Variants in SPAG16 observed in about 807,000 individuals in gnomAD.
SPAG16 encodes sperm associated antigen 16, also known as sperm-associated antigen 16 protein.
Under a neutral mutation model 80.4 loss-of-function variants are expected in SPAG16, and 86 were observed. The observed-to-expected ratio is 1.07, with a 90% CI of 0.90 to 1.28. SPAG16 has a LOEUF of 1.28. Ranked by LOEUF, SPAG16 falls within the 50% of genes most tolerant of loss-of-function variation. The probability of loss-of-function intolerance (pLI) is 0.00; values close to 1 mark genes in which losing one functional copy is unlikely to be tolerated. For synonymous variants in SPAG16, 294 were observed against 265.9 expected, an observed-to-expected ratio of 1.11 and a Z score of -1.03; for missense variants, 870 against 765.3, an observed-to-expected ratio of 1.14 and a Z score of -1.61.
chr2:214,284,401 T>C (rs914889039), intron 15 of SPAG16, among the ~76,000 whole-genome samples: 1 of 152,198 alleles, frequency 6.6e-6, no homozygotes, highest in Non-Finnish European at 1.5e-5. Flanking sequence ...TAGCACCAAT[T>C]TATATAGTAT....
At chr2:214,326,420 G>A (rs73989421) in intron 15 of SPAG16, among the ~76,000 whole-genome samples, 9,825 of 152,120 alleles carry the variant, frequency 0.065, 1,034 homozygotes, top group African/African-American at 0.22. Context: ...TGGGAGAGAA[G>A]CAATTTGTGT....
intron 15 of SPAG16, among the ~76,000 whole-genome samples, chr2:214,398,963 A>C (rs1359644749): frequency 6.6e-6 from 1 of 152,226 alleles, no homozygotes; most frequent in Non-Finnish European, 1.5e-5. Flanking sequence ...AGGATTCCAT[A>C]ATAAACAGAT....
intron 13 of SPAG16, among the ~76,000 whole-genome samples, chr2:214,102,287 T>TA (rs1363316347): frequency 6.6e-5 from 10 of 151,952 alleles, no homozygotes; most frequent in Non-Finnish European, 1.0e-4. Flanking sequence ...GAGACTACAA[T>TA]AAATAAGGAG....
chr2:213,734,333 G>T (rs1372446273), intron 10 of SPAG16, among the ~76,000 whole-genome samples: 1 of 152,048 alleles, frequency 6.6e-6, no homozygotes, highest in Non-Finnish European at 1.5e-5. Flanking sequence ...GTTTTTAGAA[G>T]TGAAAAACTA....
chr2:214,387,650 C>T (rs1278628657), intron 15 of SPAG16, among the ~76,000 whole-genome samples: 1 of 135,980 alleles, frequency 7.4e-6, no homozygotes, highest in Non-Finnish European at 1.5e-5. Flanking sequence ...AGGTTTAATT[C>T]ACTCACAGTT....
intron 13 of SPAG16, among the ~76,000 whole-genome samples, chr2:214,047,759 A>C (rs1384077714): frequency 6.6e-6 from 1 of 152,216 alleles, no homozygotes; most frequent in Non-Finnish European, 1.5e-5. Flanking sequence ...GACAAGTCAC[A>C]GAATGGGAGA....
At chr2:214,293,436 G>T (rs2125935321) in intron 15 of SPAG16, among the ~76,000 whole-genome samples, 1 of 152,290 alleles carries the variant, frequency 6.6e-6, no homozygotes, top group South Asian at 2.1e-4. Context: ...ATGGTGAGCT[G>T]GTCTGGTAAT....
At chr2:213,396,936 C>A (rs181801212) in intron 9 of SPAG16, among the ~76,000 whole-genome samples, 57 of 152,136 alleles carry the variant, frequency 3.7e-4, no homozygotes, top group Admixed American at 1.6e-3. Flanking sequence ...CTCCCCAAAC[C>A]CTTTCTTTGT....
chr2:214,274,444 C>T (rs897255272), intron 15 of SPAG16, among the ~76,000 whole-genome samples: 1 of 152,136 alleles, frequency 6.6e-6, no homozygotes, highest in Non-Finnish European at 1.5e-5. Context: ...TCATAAATAG[C>T]TCTTACTATT....
intron 15 of SPAG16, among the ~76,000 whole-genome samples, chr2:214,334,933 A>G (rs748928958): frequency 2.0e-5 from 3 of 152,212 alleles, no homozygotes; most frequent in Non-Finnish European, 4.4e-5. Context: ...CTATTCTGGT[A>G]CCAAATCTTT....
intron 15 of SPAG16, among the ~76,000 whole-genome samples, chr2:214,266,744 C>T (rs936170254): frequency 6.6e-6 from 1 of 151,184 alleles, no homozygotes; most frequent in Non-Finnish European, 1.5e-5. Context: ...GGTAAAGTTT[C>T]AGGATACAAA....
Position 213,930,146 on chromosome 2 carries a change from G to T in SPAG16, c.1400+1G>T, listed in dbSNP as rs1457408242. 7 of 1,611,572 alleles carry T rather than the reference G, an allele frequency of 4.3e-6. No individual in the cohort carries two copies. The highest frequency in any genetic ancestry group is 1.7e-5 in the Admixed American group (1 of 59,750). On this transcript the variant is annotated splice_donor_variant, in intron 12 of 15. Coordinates refer to ENST00000331683, the MANE Select transcript of SPAG16 (RefSeq NM_024532.5). LOFTEE classifies it high-confidence loss of function. ...CTAGCAAAATTTGGGATGTTAATAGGTAAGAAGTACTTTAAACATTACTAA... is the reference window on the plus strand; with the variant it reads ...CTAGCAAAATTTGGGATGTTAATAGTTAAGAAGTACTTTAAACATTACTAA...
chr2:213,297,343 G>A lies in SPAG16; in HGVS notation c.265G>A (p.Asp89Asn). 6.2e-7 allele frequency: 1 copy of A among 1,608,840 alleles called. No individual in the cohort carries two copies. The highest frequency in any genetic ancestry group is 8.5e-7 in the Non-Finnish European group (1 of 1,177,252). The change falls in exon 3 of 16, where the codon GAT (aspartate) becomes AAT (asparagine). Residue 89 changes from aspartate (D) to asparagine (N), a missense_variant. Transcript: ENST00000331683. ...AIQMAQEQAT[D>N]TEILERKTVL... ...TCAGATGGCCCAAGAACAGGCTACA[G>A]ATACTGAAATTTTGGTGAGAATTTG...
chr2:213,626,037 C>A (rs2061950390), intron 10 of SPAG16, among the ~76,000 whole-genome samples: 1 of 152,024 alleles, frequency 6.6e-6, no homozygotes, highest in South Asian at 2.1e-4. Flanking sequence ...TTCCTAGGAT[C>A]TTCTGGAGTT....
intron 15 of SPAG16, among the ~76,000 whole-genome samples, chr2:214,375,696 A>G (rs1700082567): frequency 6.6e-6 from 1 of 152,198 alleles, no homozygotes; most frequent in African/African-American, 2.4e-5. Flanking sequence ...CTAACACTGT[A>G]TCTATAGATT....
rs35564156 is a variant in SPAG16, at chr2:214,037,864, G to GGTGTGTGTGTGT, written c.1527+23826_1527+23837dup. Among the ~76,000 whole-genome samples, 243 of 133,672 alleles carry GGTGTGTGTGTGT rather than the reference G, an allele frequency of 1.8e-3. 1 individual carries two copies. Among genetic ancestry groups the GGTGTGTGTGTGT allele is most frequent in the Non-Finnish European group, 1.6e-3 (104 of 63,962 alleles). The allele number at this position is 133,672 out of a possible 152,430, so 87.7% of individuals were successfully genotyped here. ...GCTCTGTTATTATTCCCAGAAGCCT[G>GGTGTGTGTGTGT]GTGTGTGTGTGTGTGTGTGTGTGTG... On this transcript the variant is annotated intron_variant, in intron 13 of 15. Coordinates refer to ENST00000331683, the MANE Select transcript of SPAG16 (RefSeq NM_024532.5).
intron 15 of SPAG16, among the ~76,000 whole-genome samples, chr2:214,217,097 T>C (rs1165185028): frequency 6.6e-6 from 1 of 152,130 alleles, no homozygotes; most frequent in Non-Finnish European, 1.5e-5. Context: ...TAACACAAAC[T>C]CACATTTTAA....
At chr2:214,382,009 A>C (rs1478529647) in intron 15 of SPAG16, among the ~76,000 whole-genome samples, 1 of 152,194 alleles carries the variant, frequency 6.6e-6, no homozygotes, top group Non-Finnish European at 1.5e-5. Context: ...GTGATCCATA[A>C]ATTTATTTCC....
At chr2:213,562,489 G>T (rs953684202) in intron 10 of SPAG16, among the ~76,000 whole-genome samples, 36 of 152,256 alleles carry the variant, frequency 2.4e-4, no homozygotes, top group African/African-American at 8.4e-4. Context: ...ATCATAAACT[G>T]GGTAGCTTAT....
Sources: allele counts gnomAD v4.1 joint callset (sites outside exome capture counted in the v4.1 genomes callset), GRCh38; gene constraint gnomAD v4.1.1; transcripts MANE v1.5; gene names NCBI Gene and HGNC (gene_info 2026-07-23, HGNC 2026-07-21).